Variants in FKTN observed in about 807,000 individuals in gnomAD.
FKTN encodes the protein fukutin.
FKTN carries 47 observed loss-of-function variants against 58.6 expected under a neutral mutation model. That is an observed-to-expected ratio of 0.80 (90% confidence interval 0.63 to 1.02). The LOEUF (loss-of-function observed/expected upper bound fraction) is 1.02. Ranked by LOEUF, FKTN falls within the 50% of genes least tolerant of loss-of-function variation. The pLI is 0.00. For missense variants in FKTN, 516 were observed against 537.3 expected (o/e 0.96, Z 0.39); for synonymous variants, 178 against 191.9 (o/e 0.93, Z 0.60).
chr9:105,619,456 T>C (rs1831464448), intron 9 of FKTN, among the ~76,000 whole-genome samples: 1 of 152,318 alleles, frequency 6.6e-6, no homozygotes, highest in East Asian at 1.9e-4. Flanking sequence ...TATTTTTTTC[T>C]TTTTTCCATG....
At chr9:105,621,309 C>T (rs1831902362) in intron 10 of FKTN, among the ~76,000 whole-genome samples, 1 of 151,992 alleles carries the variant, frequency 6.6e-6, no homozygotes, top group South Asian at 2.1e-4. Context: ...TGGAAGATTC[C>T]CCCAGCCATA....
At chr9:105,616,202 C>A (rs1325788102) in intron 8 of FKTN, among the ~76,000 whole-genome samples, 2 of 152,330 alleles carry the variant, frequency 1.3e-5, no homozygotes, top group African/African-American at 4.8e-5. Context: ...TATGGCAGGA[C>A]TACTATAGTT....
At position 105,639,399 on chromosome 9, in the gene FKTN, G is replaced by A. The variant is rs956397636; in HGVS notation, c.*4135G>A. Reference sequence around the variant, plus strand: ...TTAATCATGTGGGATTTATGGTGGGGGCCCTTTCAGTCTCAATTTCCACAT... The same window carrying A: ...TTAATCATGTGGGATTTATGGTGGGAGCCCTTTCAGTCTCAATTTCCACAT... On this transcript the variant is annotated 3_prime_UTR_variant, in exon 11 of 11. Coordinates refer to ENST00000357998, the MANE Select transcript of FKTN (RefSeq NM_001079802.2). The A allele has an allele frequency of 1.4e-5, 10 of 696,882 alleles. No homozygotes were observed. The African/African-American group carries it at 1.9e-4, about 14-fold the overall frequency. 43.2% of individuals were successfully genotyped at this position (696,882 alleles called of 1,614,324 possible). A position where few individuals can be genotyped will look rare whatever the true frequency, so the allele number is the denominator to read the frequency against.
At chr9:105,597,272 A>G (rs1826983588) in intron 4 of FKTN, among the ~76,000 whole-genome samples, 1 of 152,258 alleles carries the variant, frequency 6.6e-6, no homozygotes, top group African/African-American at 2.4e-5. Context: ...ATACACTTCA[A>G]TCTTTGGCTT....
chr9:105,597,881 C>T (rs556683689), intron 4 of FKTN, among the ~76,000 whole-genome samples: 3 of 152,030 alleles, frequency 2.0e-5, no homozygotes, highest in Non-Finnish European at 2.9e-5. Flanking sequence ...AATTTAAAGC[C>T]GTAGTAGCTT....
chr9:105,620,822 A>AGTAGTAGTG (rs1554761922), intron 10 of FKTN, among the ~76,000 whole-genome samples: 2 of 149,390 alleles, frequency 1.3e-5, no homozygotes, highest in Non-Finnish European at 3.0e-5. Context: ...TAGTAGTAGT[A>AGTAGTAGTG]AAGAAAACTA....
At chr9:105,594,966 A>C (rs1826490415) in intron 3 of FKTN, among the ~76,000 whole-genome samples, 1 of 152,236 alleles carries the variant, frequency 6.6e-6, no homozygotes, top group Non-Finnish European at 1.5e-5. Flanking sequence ...AATGTTCATC[A>C]ACTAATGAAT....
Position 105,635,360 on chromosome 9 carries a change from C to A in FKTN, c.*96C>A. 3 of 1,567,556 alleles carry A rather than the reference C, an allele frequency of 1.9e-6. No homozygotes were observed. The highest frequency in any genetic ancestry group is 1.9e-5 in the Admixed American group (1 of 51,602). On this transcript the variant is annotated 3_prime_UTR_variant, in exon 11 of 11. Coordinates refer to ENST00000357998, the MANE Select transcript of FKTN (RefSeq NM_001079802.2). ...CTATTTGTCAAACATAAGTGGGAAC[C>A]AAAGAAAAAATGTGACAAGTTTGAA...
Position 105,638,738 on chromosome 9 carries a change from G to A in FKTN, c.*3474G>A, listed in dbSNP as rs558011513. On this transcript the variant is annotated 3_prime_UTR_variant, in exon 11 of 11. Transcript: ENST00000357998. ...AGGAGACTAGAGTATCTAGTTTTTA[G>A]TATTTAAACTACTTTTAATTATTTA... The A allele has an allele frequency of 1.6e-5, 16 of 975,230 alleles. 1 individual carries two copies. The African/African-American group carries it at 2.5e-4, about 15-fold the overall frequency. The allele number at this position is 975,230 out of a possible 1,614,324, so 60.4% of individuals were successfully genotyped here.
At position 105,641,089 on chromosome 9, in the gene FKTN, A is replaced by G. The variant is rs971570993; in HGVS notation, c.*5825A>G. The G allele has an allele frequency of 2.0e-5, 3 of 152,198 alleles. No homozygotes were observed. The highest frequency in any genetic ancestry group is 7.2e-5 in the African/African-American group (3 of 41,446). 9.4% of individuals were successfully genotyped at this position (152,198 alleles called of 1,614,324 possible). ...TTTGTAATATATAATCCAGTTTGGG[A>G]TGATGAATAAAATTTTTCTAATCTC... On this transcript the variant is annotated 3_prime_UTR_variant, in exon 11 of 11. Transcript: ENST00000357998.
intron 4 of FKTN, among the ~76,000 whole-genome samples, chr9:105,599,799 G>T (rs1252393213): frequency 1.3e-5 from 2 of 152,070 alleles, no homozygotes; most frequent in African/African-American, 4.8e-5. Flanking sequence ...AAGTTTTGCT[G>T]TTGAGTATGG....
chr9:105,604,263 A>C lies in FKTN; in HGVS notation c.418A>C (p.Ile140Leu). Residue 140 changes from isoleucine (I) to leucine (L), a missense_variant, in exon 6 of 11, where the codon ATT becomes CTT. Physicochemically the swap from Ile to Leu is conservative, Grantham distance 5 (BLOSUM62 2). Coordinates refer to ENST00000357998, the MANE Select transcript of FKTN (RefSeq NM_001079802.2). ...AENMGFQCLK[I>L]ESKDPRLDGI... The stretch of plus-strand genomic sequence containing the variant: ...GAATATGGGATTTCAGTGCCTAAAG[A>C]TTGAGAGTAAAGATCCCCGGCTAGA... The C allele has an allele frequency of 6.2e-7, 1 of 1,613,126 alleles. No individual in the cohort carries two copies. Among genetic ancestry groups the C allele is most frequent in the South Asian group, 1.1e-5 (1 of 91,034 alleles).
Position 105,638,571 on chromosome 9 carries a change from T to A in FKTN, c.*3307T>A, listed in dbSNP as rs755069239. On this transcript the variant is annotated 3_prime_UTR_variant, in exon 11 of 11. Transcript: ENST00000357998. ...CTGTATTTGAAGTCTCTCCCCTTCCTGAAGTGACCTTTTATGAGGCTCTTT... is the reference window on the plus strand; with the variant it reads ...CTGTATTTGAAGTCTCTCCCCTTCCAGAAGTGACCTTTTATGAGGCTCTTT... 6.7e-5 allele frequency: 66 copies of A among 985,264 alleles called. No homozygotes were observed. Among genetic ancestry groups the A allele is most frequent in the Admixed American group, 1.8e-4 (3 of 16,250 alleles). 61.0% of individuals were successfully genotyped at this position (985,264 alleles called of 1,614,324 possible).
At chr9:105,615,884 G>A (rs948162745) in intron 8 of FKTN, among the ~76,000 whole-genome samples, 1 of 152,134 alleles carries the variant, frequency 6.6e-6, no homozygotes, top group Non-Finnish European at 1.5e-5. Context: ...AGTTGTGTGT[G>A]ATCTCTGTCT....
intron 1 of FKTN, among the ~76,000 whole-genome samples, chr9:105,566,910 A>G (rs1213337689): frequency 6.6e-6 from 1 of 152,242 alleles, no homozygotes; most frequent in Non-Finnish European, 1.5e-5. Flanking sequence ...AATACTGGCA[A>G]ACCGAGTCCA....
intron 6 of FKTN, among the ~76,000 whole-genome samples, chr9:105,605,019 T>A (rs1333255581): frequency 6.6e-6 from 1 of 151,262 alleles, no homozygotes; most frequent in East Asian, 1.9e-4. Flanking sequence ...TACAATGAAG[T>A]ATTACACAGC....
intron 3 of FKTN, among the ~76,000 whole-genome samples, chr9:105,581,801 G>T (rs1842979043): frequency 6.6e-6 from 1 of 152,194 alleles, no homozygotes; most frequent in Admixed American, 6.5e-5. Context: ...TCAGACTGCT[G>T]GGCTAGCAAT....
chr9:105,623,952 A>G (rs143262467), intron 10 of FKTN, among the ~76,000 whole-genome samples: 4 of 152,338 alleles, frequency 2.6e-5, no homozygotes, highest in African/African-American at 9.6e-5. Flanking sequence ...AATGATTTTT[A>G]AATTAGTTTA....
At chr9:105,597,910 T>C (rs1278916433) in intron 4 of FKTN, among the ~76,000 whole-genome samples, 1 of 152,176 alleles carries the variant, frequency 6.6e-6, no homozygotes, top group Non-Finnish European at 1.5e-5. Context: ...TAAAAGGTTT[T>C]CCTTTATCGG....
Sources: gnomAD v4.1 joint callset for allele counts (sites outside exome capture counted in the v4.1 genomes callset) on GRCh38, gnomAD v4.1.1 for gene constraint, MANE v1.5 for transcripts, NCBI Gene and HGNC (gene_info 2026-07-23, HGNC 2026-07-21) for gene names.